ACOXL: variants seen among roughly 807,000 people sequenced by gnomAD.
ACOXL encodes acyl-CoA oxidase like.
Under a neutral mutation model 71.9 loss-of-function variants are expected in ACOXL, and 70 were observed. The observed-to-expected ratio is 0.97, with a 90% CI of 0.80 to 1.19. The LOEUF is 1.19. ACOXL is among the 50% of genes most tolerant of loss of function. The probability of loss-of-function intolerance (pLI) is 0.00; values close to 1 mark genes in which losing one functional copy is unlikely to be tolerated. For synonymous variants in ACOXL, 253 were observed against 281.6 expected, an observed-to-expected ratio of 0.90 and a Z score of 1.02; for missense variants, 703 against 736.3, an observed-to-expected ratio of 0.95 and a Z score of 0.52.
At chr2:110,963,733 T>G in intron 12 of ACOXL, 1 of 1,613,524 alleles carries the variant, frequency 6.2e-7, no homozygotes, top group Non-Finnish European at 8.5e-7. Flanking sequence ...GGGAAATGTT[T>G]TCAAGATCAA....
chr2:111,093,367 G>A (rs533263956), intron 17 of ACOXL: 50 of 1,298,224 alleles, frequency 3.9e-5, no homozygotes, highest in African/African-American at 3.2e-4. Flanking sequence ...CAATAGCTAC[G>A]GAGCACCTGA....
At chr2:110,792,743 G>A (rs1684798339) in intron 3 of ACOXL, among the ~76,000 whole-genome samples, 2 of 152,196 alleles carry the variant, frequency 1.3e-5, no homozygotes, top group South Asian at 4.1e-4. Flanking sequence ...ACAATGCAGT[G>A]AGCTATGATC....
intron 12 of ACOXL, among the ~76,000 whole-genome samples, chr2:110,957,187 C>A (rs2061532314): frequency 1.3e-5 from 2 of 151,742 alleles, no homozygotes. Flanking sequence ...CCCATCGACC[C>A]CACCAAGAAT....
At chr2:111,084,393 CA>C (rs1374962421) in intron 16 of ACOXL, among the ~76,000 whole-genome samples, 1 of 151,798 alleles carries the variant, frequency 6.6e-6, no homozygotes, top group Non-Finnish European at 1.5e-5. Context: ...CAAACCCCAG[CA>C]TAACATGAGG....
intron 12 of ACOXL, among the ~76,000 whole-genome samples, chr2:110,949,991 A>C (rs1034264453): frequency 6.6e-6 from 1 of 152,112 alleles, no homozygotes; most frequent in African/African-American, 2.4e-5. Flanking sequence ...CTCATTTAAC[A>C]TAAGTCCTTG....
chr2:110,747,152 CTG>C lies in ACOXL; in HGVS notation c.-23+14381_-23+14382del, dbSNP rs111297926. 2.6e-3 allele frequency among the ~76,000 whole-genome samples: 400 copies of C among 152,272 alleles called. 7 individuals are homozygous for C. Among genetic ancestry groups the C allele is most frequent in the African/African-American group, 9.2e-3 (383 of 41,546 alleles). ...CTAGGGGATGAATTGCTTGTTGAAA[CTG>C]TGCTGGGTCTGCCTGCCTATCAGAC... On this transcript the variant is annotated intron_variant, in intron 1 of 17. Coordinates refer to ENST00000439055, the MANE Select transcript of ACOXL (RefSeq NM_001142807.4).
chr2:110,811,730 TACACACACACACACACACACAC>T (rs780039810), intron 9 of ACOXL, among the ~76,000 whole-genome samples: 3 of 101,614 alleles, frequency 3.0e-5, no homozygotes, highest in Non-Finnish European at 3.9e-5. Context: ...TTTTTTTGCA[TACACACACACACACACACACAC>T]ACACACACAC....
chr2:111,008,585 CTTA>C (rs752900718), intron 14 of ACOXL, among the ~76,000 whole-genome samples: 2 of 152,148 alleles, frequency 1.3e-5, no homozygotes, highest in Non-Finnish European at 2.9e-5. Context: ...AGTGAATAAC[CTTA>C]TTATATAAAT....
At chr2:110,957,392 G>C (rs1451704799) in intron 12 of ACOXL, among the ~76,000 whole-genome samples, 1 of 152,198 alleles carries the variant, frequency 6.6e-6, no homozygotes. Flanking sequence ...GAACAGACAT[G>C]GTTTGAGCTA....
chr2:110,920,577 T>G (rs111814820), intron 11 of ACOXL, among the ~76,000 whole-genome samples: 6 of 152,306 alleles, frequency 3.9e-5, no homozygotes, highest in African/African-American at 1.4e-4. Context: ...TTTAAATTTT[T>G]GTTTGGTTCA....
chr2:110,858,820 T>C (rs943887253), intron 10 of ACOXL, among the ~76,000 whole-genome samples: 1 of 152,242 alleles, frequency 6.6e-6, no homozygotes, highest in Non-Finnish European at 1.5e-5. Flanking sequence ...TCTGAGTTTC[T>C]TAAGCCCACC....
At chr2:110,862,260 G>T (rs763979109) in intron 10 of ACOXL, among the ~76,000 whole-genome samples, 5 of 152,126 alleles carry the variant, frequency 3.3e-5, no homozygotes, top group Non-Finnish European at 7.4e-5. Context: ...TGGAACACTA[G>T]AGTTTAATTT....
At chr2:111,001,940 C>T (rs982143805) in intron 14 of ACOXL, among the ~76,000 whole-genome samples, 1 of 152,174 alleles carries the variant, frequency 6.6e-6, no homozygotes, top group African/African-American at 2.4e-5. Flanking sequence ...CAGTCTTCAA[C>T]GATCCCTGCC....
intron 2 of ACOXL, among the ~76,000 whole-genome samples, chr2:110,781,065 C>T (rs1683257233): frequency 6.6e-6 from 1 of 152,132 alleles, no homozygotes; most frequent in South Asian, 2.1e-4. Context: ...CAGTGGTTGC[C>T]TTTGAAGGTG....
At chr2:110,742,301 G>A (rs2104712358) in intron 1 of ACOXL, among the ~76,000 whole-genome samples, 1 of 152,330 alleles carries the variant, frequency 6.6e-6, no homozygotes. Context: ...ACTCTGACAT[G>A]TGACTTTATT....
chr2:110,980,352 C>A (rs775295973), intron 12 of ACOXL, among the ~76,000 whole-genome samples: 1 of 152,218 alleles, frequency 6.6e-6, no homozygotes, highest in Non-Finnish European at 1.5e-5. Flanking sequence ...ATGAAGTAGC[C>A]TGGGCAAGTT....
At chr2:110,981,644 G>A (rs1407600837) in intron 12 of ACOXL, among the ~76,000 whole-genome samples, 1 of 152,192 alleles carries the variant, frequency 6.6e-6, no homozygotes, top group African/African-American at 2.4e-5. Context: ...AATGAATGAA[G>A]CTCATTCGTT....
intron 14 of ACOXL, among the ~76,000 whole-genome samples, chr2:111,002,432 C>T (rs2063678842): frequency 6.6e-6 from 1 of 152,126 alleles, no homozygotes; most frequent in South Asian, 2.1e-4. Context: ...ACCAATATTT[C>T]CATTTAATAA....
chr2:111,099,509 C>T (rs995706092), intron 17 of ACOXL: 2 of 152,254 alleles, frequency 1.3e-5, no homozygotes, highest in Non-Finnish European at 2.9e-5. Flanking sequence ...GTCCTAGTGT[C>T]TCCCTAGCTG....
Sources: gnomAD v4.1 joint callset for allele counts (sites outside exome capture counted in the v4.1 genomes callset) on GRCh38, gnomAD v4.1.1 for gene constraint, MANE v1.5 for transcripts, NCBI Gene and HGNC (gene_info 2026-07-23, HGNC 2026-07-21) for gene names.